The following LY6K variants were observed in gnomAD, a reference collection of about 807,000 sequenced individuals.
LY6K encodes the protein lymphocyte antigen 6K.
A neutral mutation model predicts 10.4 loss-of-function variants in LY6K; 9 were observed. The ratio of observed to expected loss-of-function variants is 0.87; its 90% CI spans 0.52 to 1.52. The LOEUF (loss-of-function observed/expected upper bound fraction) is 1.52. LY6K is among the 40% of genes most tolerant of loss of function. The probability of loss-of-function intolerance (pLI) is 0.00; values close to 1 mark genes in which losing one functional copy is unlikely to be tolerated. For missense variants in LY6K, 217 were observed against 211.7 expected (o/e 1.02, Z -0.15); for synonymous variants, 98 against 83.7 (o/e 1.17, Z -0.94).
chr8:142,700,996 G>A (rs1554640041), intron 1 of LY6K, among the ~76,000 whole-genome samples: 1 of 141,674 alleles, frequency 7.1e-6, no homozygotes, highest in African/African-American at 2.5e-5. Flanking sequence ...ACCCAAGGGA[G>A]AACTCCTTTG....
At chr8:142,702,939 C>T in intron 2 of LY6K, 152 bp from the exon 3 acceptor site, 3 of 1,550,702 alleles carry the variant, frequency 1.9e-6, no homozygotes, top group Non-Finnish European at 2.6e-6. Context: ...CAGGCCTGGC[C>T]CTCGTCCTCC....
rs1171904893 is a variant in LY6K at position 142,703,648 on chromosome 8, C to G, written c.*277C>G. ...GTAACTCATTTATTGCTGATGGCCA[C>G]TCTTTTCCTTGACTCCCCTCTGCCT... On this transcript the variant is annotated 3_prime_UTR_variant, in exon 3 of 3. Coordinates refer to ENST00000292430, the MANE Select transcript of LY6K (RefSeq NM_017527.4). 1 of 441,868 alleles carries G rather than the reference C, an allele frequency of 2.3e-6. No individual in the cohort carries two copies. The highest frequency in any genetic ancestry group is 4.1e-6 in the Non-Finnish European group (1 of 246,310). 27.4% of individuals were successfully genotyped at this position (441,868 alleles called of 1,614,324 possible). A position where few individuals can be genotyped will look rare whatever the true frequency, so the allele number is the denominator to read the frequency against.
chr8:142,702,343 C>G, intron 2 of LY6K: 1 of 651,938 alleles, frequency 1.5e-6, no homozygotes, highest in East Asian at 2.7e-5. Flanking sequence ...TGCACAAAAC[C>G]AAGGTGTACA....
chr8:142,701,380 C>G (rs1239563976), intron 1 of LY6K, among the ~76,000 whole-genome samples: 1 of 152,170 alleles, frequency 6.6e-6, no homozygotes, highest in Non-Finnish European at 1.5e-5. Flanking sequence ...CACTTACAAT[C>G]ATGGGGGAAG....
chr8:142,701,758 G>T (rs782820650), intron 2 of LY6K, 45 bp downstream of exon 2: 4 of 1,306,500 alleles, frequency 3.1e-6, no homozygotes, highest in Admixed American at 1.8e-5. Context: ...CAGGTGAACA[G>T]AGGGCTTTCA....
chr8:142,703,336 C>T lies in LY6K; in HGVS notation c.463C>T (p.Leu155=), dbSNP rs1554640506. ...GGLWLAILLL[L]ASIAAGLSLS The stretch of plus-strand genomic sequence containing the variant: ...GCTGTGGCTGGCCATCCTCCTGCTG[C>T]TGGCCTCCATTGCAGCCGGCCTCAG... The change falls in exon 3 of 3, where the codon CTG becomes TTG. Residue 155 remains leucine, a synonymous_variant. Coordinates refer to ENST00000292430, the MANE Select transcript of LY6K (RefSeq NM_017527.4). The T allele has an allele frequency of 9.3e-6, 15 of 1,612,474 alleles. No individual in the cohort carries two copies. The highest frequency in any genetic ancestry group is 1.2e-5 in the Non-Finnish European group (14 of 1,179,712).
chr8:142,701,499 T>C (rs1267268466), intron 1 of LY6K, 101 bp from the exon 2 acceptor site: 5 of 749,586 alleles, frequency 6.7e-6, no homozygotes, highest in Non-Finnish European at 1.2e-5. Flanking sequence ...GGGAGAAGGA[T>C]GGGGACCCGC....
At chr8:142,702,067 C>T (rs2585154) in intron 2 of LY6K, 110,689 of 267,408 alleles carry the variant, frequency 0.41, 24,133 homozygotes, top group Non-Finnish European at 0.44. Flanking sequence ...CCTCGGCCCC[C>T]CAAAGTGCTG....
rs1479957004 is a variant in LY6K, at chr8:142,700,380, C to T, written c.-148C>T. The T allele has an allele frequency of 1.3e-5, 17 of 1,342,498 alleles. No individual in the cohort carries two copies. Among genetic ancestry groups the T allele is most frequent in the African/African-American group, 6.2e-5 (4 of 64,602 alleles). The allele number at this position is 1,342,498 out of a possible 1,614,324, so 83.2% of individuals were successfully genotyped here. On this transcript the variant is annotated 5_prime_UTR_variant, in exon 1 of 3. Transcript: ENST00000292430. ...TGAGGCTCCAAAGACCCCGACAGGCCCCGGCGGGTGGGAGGCGCGCGCCCC... is the reference window on the plus strand; with the variant it reads ...TGAGGCTCCAAAGACCCCGACAGGCTCCGGCGGGTGGGAGGCGCGCGCCCC...
Position 142,700,185 on chromosome 8 carries a change from C to T in LY6K, c.-343C>T, listed in dbSNP as rs1450732452. The stretch of plus-strand genomic sequence containing the variant: ...TGGCCGCCGGCCACTTTCTGTGGGC[C>T]GTGGGGTCCTCAAGGAGACGGCCCT... On this transcript the variant is annotated 5_prime_UTR_variant, in exon 1 of 3. Coordinates refer to ENST00000292430, the MANE Select transcript of LY6K (RefSeq NM_017527.4). The T allele has an allele frequency of 1.0e-5, 4 of 381,030 alleles. No homozygotes were observed. The highest frequency in any genetic ancestry group is 7.3e-5 in the South Asian group (1 of 13,752). The allele number at this position is 381,030 out of a possible 1,614,324, so 23.6% of individuals were successfully genotyped here.
intron 2 of LY6K, chr8:142,702,415 G>T (rs587730154): frequency 1.4e-6 from 2 of 1,386,810 alleles, no homozygotes; most frequent in Admixed American, 3.9e-5. Context: ...CCACTGCTCT[G>T]TCATCTGTGA....
In LY6K at chr8:142,703,916, A is replaced by G. The variant is rs1217386188; in HGVS notation, c.*545A>G. 6.5e-6 allele frequency: 1 copy of G among 153,400 alleles called. No individual in the cohort carries two copies. The highest frequency in any genetic ancestry group is 1.5e-5 in the Non-Finnish European group (1 of 68,902). 9.5% of individuals were successfully genotyped at this position (153,400 alleles called of 1,614,324 possible). ...CTGCTTTTCCTCAACCTTTCCTACC[A>G]GATTCCAGGAGGCAGAAGATAACTA... On this transcript the variant is annotated 3_prime_UTR_variant, in exon 3 of 3. Transcript: ENST00000292430.
chr8:142,702,772 G>A, intron 2 of LY6K: 2 of 1,484,674 alleles, frequency 1.3e-6, no homozygotes, highest in Non-Finnish European at 1.8e-6. Flanking sequence ...GGAGTCATGT[G>A]TCTGTCTGTG....
intron 2 of LY6K, chr8:142,702,633 T>C (rs782123877): frequency 2.5e-5 from 38 of 1,532,742 alleles, no homozygotes; most frequent in African/African-American, 4.1e-5. Flanking sequence ...TATAACTTAA[T>C]ATGGCAAAAT....
chr8:142,701,774 C>A, intron 2 of LY6K, 61 bp downstream of exon 2: 1 of 1,077,948 alleles, frequency 9.3e-7, no homozygotes, highest in Non-Finnish European at 1.4e-6. Context: ...TTTCAGGAAT[C>A]AGGGCTGTCT....
At chr8:142,702,706 G>A (rs1225025893) in intron 2 of LY6K, 35 of 1,499,492 alleles carry the variant, frequency 2.3e-5, no homozygotes, top group African/African-American at 4.1e-5. Flanking sequence ...GCTCAGAGTC[G>A]AGCCAGGCCC....
In LY6K at chr8:142,700,325, A is replaced by T. The variant is rs374122416; in HGVS notation, c.-203A>T. The T allele has an allele frequency of 2.1e-3, 2,729 of 1,299,872 alleles. 5 individuals are homozygous for T. Among genetic ancestry groups the T allele is most frequent in the Non-Finnish European group, 2.5e-3 (2,532 of 1,024,572 alleles). 80.5% of individuals were successfully genotyped at this position (1,299,872 alleles called of 1,614,324 possible). A position where few individuals can be genotyped will look rare whatever the true frequency, so the allele number is the denominator to read the frequency against. On this transcript the variant is annotated 5_prime_UTR_variant, in exon 1 of 3. Transcript: ENST00000292430. The stretch of plus-strand genomic sequence containing the variant: ...AAGGCGGGACTCAGAACCGGCGTTC[A>T]GGGCCGCCAGCGGCCGCGAGGCCCT...
At chr8:142,702,878 C>T in intron 2 of LY6K, 3 of 1,547,532 alleles carry the variant, frequency 1.9e-6, no homozygotes, top group Non-Finnish European at 2.6e-6. Flanking sequence ...TGCATATGGA[C>T]AGGCCATACC....
chr8:142,702,802 ACC>A, intron 2 of LY6K: 1 of 1,495,878 alleles, frequency 6.7e-7, no homozygotes. Context: ...GCCTGAGCCA[ACC>A]CTGTGTTTGA....
Sources: gnomAD v4.1 joint callset for allele counts (sites outside exome capture counted in the v4.1 genomes callset) on GRCh38, gnomAD v4.1.1 for gene constraint, MANE v1.5 for transcripts, NCBI Gene and HGNC (gene_info 2026-07-23, HGNC 2026-07-21) for gene names.